The following IFT88 variants were observed in gnomAD, a reference collection of about 807,000 sequenced individuals.
IFT88 encodes intraflagellar transport 88, also known as intraflagellar transport protein 88 homolog.
A neutral mutation model predicts 119.5 loss-of-function variants in IFT88; 74 were observed. The ratio of observed to expected loss-of-function variants is 0.62; its 90% confidence interval spans 0.51 to 0.75. The LOEUF (loss-of-function observed/expected upper bound fraction) is 0.75, where lower values mean the gene tolerates loss of function less well. IFT88 is among the 30% of genes least tolerant of loss of function. The pLI is 0.00. For missense variants in IFT88, 961 were observed against 977.7 expected (o/e 0.98, Z 0.23); for synonymous variants, 279 against 316.7 (o/e 0.88, Z 1.26).
rs143450358 is a variant in IFT88 at position 20,672,915 on chromosome 13, C to T, written c.2242+1876C>T. Among the ~76,000 whole-genome samples the T allele has an allele frequency of 3.0e-4, 45 of 152,214 alleles. No homozygotes were observed. The East Asian group carries it at 3.1e-3, about 10-fold the overall frequency. Reference sequence around the variant, plus strand: ...TGTGTACCAAAAATGTTCTTAACAGCCAAGAAGTCCACAGACTAGGCATTG... The same window carrying T: ...TGTGTACCAAAAATGTTCTTAACAGTCAAGAAGTCCACAGACTAGGCATTG... On this transcript the variant is annotated intron_variant, in intron 24 of 25. Coordinates refer to ENST00000351808, the MANE Select transcript of IFT88 (RefSeq NM_006531.5).
chr13:20,663,206 G>A (rs144857775), intron 22 of IFT88: 19,864 of 1,331,352 alleles, frequency 0.015, 214 homozygotes, highest in South Asian at 0.029. Flanking sequence ...ATTAACAAAT[G>A]TTACATTTGC....
intron 13 of IFT88, among the ~76,000 whole-genome samples, chr13:20,605,545 T>C (rs1353565967): frequency 2.6e-5 from 4 of 152,212 alleles, no homozygotes; most frequent in Non-Finnish European, 4.4e-5. Flanking sequence ...TCCTCTAATA[T>C]GGTACTACAA....
chr13:20,686,428 G>A lies in IFT88; in HGVS notation c.2243-4277G>A, dbSNP rs899236320. 5.3e-5 allele frequency among the ~76,000 whole-genome samples: 8 copies of A among 152,208 alleles called. No homozygotes were observed. In the East Asian group the frequency reaches 1.2e-3, roughly 22 times the overall value. Reference sequence around the variant, plus strand: ...TTAAGGTAAAAGTCACCCACAGATTGTAAAGTTCCTGAAGGCAGTGGCTGC... The same window carrying A: ...TTAAGGTAAAAGTCACCCACAGATTATAAAGTTCCTGAAGGCAGTGGCTGC... On this transcript the variant is annotated intron_variant, in intron 24 of 25. Coordinates refer to ENST00000351808, the MANE Select transcript of IFT88 (RefSeq NM_006531.5).
At position 20,666,317 on chromosome 13, in the gene IFT88, T is replaced by A. The variant is rs548809947; in HGVS notation, c.2175+2713T>A. Among the ~76,000 whole-genome samples the A allele has an allele frequency of 9.2e-5, 14 of 152,348 alleles. No individual in the cohort carries two copies. In the East Asian group the frequency reaches 9.6e-4, roughly 10 times the overall value. ...ACTGACATTACTAGAAAAATGATCC[T>A]GCACTTGGATGTCAGCAGGGTCCGA... On this transcript the variant is annotated intron_variant, in intron 23 of 25. Transcript: ENST00000351808.
rs1045619755 is a variant in IFT88 at position 20,681,256 on chromosome 13, C to T, written c.2243-9449C>T. ...GCGTTGCAGAAGATGCCGTTTAATACAGGCAGAAGATTCTCCTGTTTGACA... is the reference window on the plus strand; with the variant it reads ...GCGTTGCAGAAGATGCCGTTTAATATAGGCAGAAGATTCTCCTGTTTGACA... On this transcript the variant is annotated intron_variant, in intron 24 of 25. Transcript: ENST00000351808. 2.0e-5 allele frequency among the ~76,000 whole-genome samples: 3 copies of T among 152,250 alleles called. No individual in the cohort carries two copies. The East Asian group carries it at 5.8e-4, about 29-fold the overall frequency.
chr13:20,583,883 C>A (rs1289491459), intron 3 of IFT88, among the ~76,000 whole-genome samples: 1 of 152,158 alleles, frequency 6.6e-6, no homozygotes, highest in East Asian at 1.9e-4. Flanking sequence ...GCTGTACAGA[C>A]CGTCCCTTCC....
chr13:20,622,386 G>A (rs1216357437), intron 14 of IFT88, among the ~76,000 whole-genome samples: 1 of 152,096 alleles, frequency 6.6e-6, no homozygotes, highest in Non-Finnish European at 1.5e-5. Context: ...GTATATATTT[G>A]GTTTTGTGAG....
At chr13:20,661,791 A>C (rs898392080) in intron 22 of IFT88, among the ~76,000 whole-genome samples, 1 of 152,152 alleles carries the variant, frequency 6.6e-6, no homozygotes, top group African/African-American at 2.4e-5. Flanking sequence ...AATTTTAGGA[A>C]TGTTTTCTGC....
chr13:20,602,033 C>A, intron 12 of IFT88, 100 bp downstream of exon 12: 1 of 674,830 alleles, frequency 1.5e-6, no homozygotes, highest in Non-Finnish European at 2.6e-6. Flanking sequence ...TTGGGTTTTT[C>A]CCAGGCCTGT....
chr13:20,605,350 C>T (rs1263310019), intron 13 of IFT88, among the ~76,000 whole-genome samples: 2 of 152,276 alleles, frequency 1.3e-5, no homozygotes, highest in East Asian at 1.9e-4. Flanking sequence ...TCTCAGTGCT[C>T]ATGCTAATCT....
intron 20 of IFT88, among the ~76,000 whole-genome samples, chr13:20,652,281 T>C (rs1261544285): frequency 1.3e-5 from 2 of 152,204 alleles, no homozygotes; most frequent in Admixed American, 1.3e-4. Context: ...TTGTATTGTG[T>C]CCTTTAAGTA....
At chr13:20,684,211 C>G (rs930575084) in intron 24 of IFT88, among the ~76,000 whole-genome samples, 1 of 152,198 alleles carries the variant, frequency 6.6e-6, no homozygotes, top group Non-Finnish European at 1.5e-5. Flanking sequence ...TTGCTGGATT[C>G]CTGCCTAAAT....
At chr13:20,597,246 A>G in intron 9 of IFT88, 127 bp downstream of exon 9, 5 of 521,502 alleles carry the variant, frequency 9.6e-6, no homozygotes, top group Non-Finnish European at 1.4e-5. Flanking sequence ...GATTAATAAT[A>G]ATCTTTAGTT....
chr13:20,568,170 C>A (rs2035333237), intron 1 of IFT88, among the ~76,000 whole-genome samples: 1 of 151,558 alleles, frequency 6.6e-6, no homozygotes, highest in East Asian at 1.9e-4. Context: ...AAAAAACATA[C>A]CTTTCACTTA....
intron 22 of IFT88, among the ~76,000 whole-genome samples, chr13:20,662,187 T>C (rs1178098091): frequency 2.0e-5 from 3 of 152,092 alleles, no homozygotes; most frequent in African/African-American, 4.8e-5. Context: ...GCAAACAGGT[T>C]CTGGAGTAGA....
intron 13 of IFT88, among the ~76,000 whole-genome samples, chr13:20,610,909 T>G (rs2044380044): frequency 6.6e-6 from 1 of 151,782 alleles, no homozygotes; most frequent in Admixed American, 6.6e-5. Context: ...GGTACCGAGG[T>G]GGGTGGATCA....
intron 22 of IFT88, 26 bp downstream of exon 22, chr13:20,656,456 T>A (rs1172836558): frequency 3.4e-6 from 4 of 1,170,398 alleles, no homozygotes; most frequent in South Asian, 1.5e-5. Context: ...TAATGTAACT[T>A]TGAAGTGATA....
chr13:20,580,351 C>G (rs1330775975), intron 2 of IFT88, among the ~76,000 whole-genome samples: 2 of 152,100 alleles, frequency 1.3e-5, no homozygotes, highest in Non-Finnish European at 2.9e-5. Flanking sequence ...AGTTCTGTCT[C>G]TACTAAAATA....
In IFT88 at chr13:20,605,413, A is replaced by G. The variant is rs930973389; in HGVS notation, c.1112+308A>G. ...AGTTGTTTCCCTCTGCATTTGGTAC[A>G]TTATTGGAACTTTGTTTATCTTACC... On this transcript the variant is annotated intron_variant, in intron 13 of 25. Coordinates refer to ENST00000351808, the MANE Select transcript of IFT88 (RefSeq NM_006531.5). Among the ~76,000 whole-genome samples, 5 of 152,146 alleles carry G rather than the reference A, an allele frequency of 3.3e-5. No individual in the cohort carries two copies. In the East Asian group the frequency reaches 9.6e-4, roughly 29 times the overall value.
Sources: allele counts gnomAD v4.1 joint callset (sites outside exome capture counted in the v4.1 genomes callset), GRCh38; gene constraint gnomAD v4.1.1; transcripts MANE v1.5; gene names NCBI Gene and HGNC (gene_info 2026-07-23, HGNC 2026-07-21).